Variants in HMGA2 observed in about 807,000 individuals in gnomAD.
HMGA2 encodes the protein high mobility group protein HMGI-C.
A neutral mutation model predicts 19.1 loss-of-function variants in HMGA2; 8 were observed. That is an observed-to-expected ratio of 0.42 (90% CI 0.25 to 0.76). The LOEUF (loss-of-function observed/expected upper bound fraction) is 0.76, where lower values mean the gene tolerates loss of function less well. Ranked by LOEUF, HMGA2 falls within the 30% of genes least tolerant of loss-of-function variation. The probability of loss-of-function intolerance (pLI) is 0.28; values close to 1 mark genes in which losing one functional copy is unlikely to be tolerated. For missense variants in HMGA2, 109 were observed against 136.3 expected (o/e 0.80, Z 1.00); for synonymous variants, 60 against 48.8 (o/e 1.23, Z -0.96).
At chr12:65,846,027 C>T (rs1333991007) in intron 3 of HMGA2, among the ~76,000 whole-genome samples, 1 of 152,190 alleles carries the variant, frequency 6.6e-6, no homozygotes, top group Non-Finnish European at 1.5e-5. Flanking sequence ...GGGGTCAGCT[C>T]TGGTAAAAGG....
intron 3 of HMGA2, among the ~76,000 whole-genome samples, chr12:65,901,168 C>T (rs918213639): frequency 1.3e-5 from 2 of 152,186 alleles, no homozygotes; most frequent in African/African-American, 4.8e-5. Flanking sequence ...CAGGACTTGA[C>T]AGGTTGTTTT....
chr12:65,937,941 C>A (rs1875951691), intron 3 of HMGA2, among the ~76,000 whole-genome samples: 3 of 152,160 alleles, frequency 2.0e-5, no homozygotes. Context: ...TCTATCCATT[C>A]CCCAATTTCC....
chr12:65,963,269 C>T lies in HMGA2; in HGVS notation c.307C>T (p.Gln103Ter). Residue 103 changes from glutamine (Q) to a stop codon, truncating the protein, a stop_gained, in exon 5 of 5, where the codon CAA (glutamine) becomes TAA (stop). Coordinates refer to ENST00000403681, the MANE Select transcript of HMGA2 (RefSeq NM_003483.6). LOFTEE classifies it high-confidence loss of function. The part of the protein sequence containing the change: ...AQEETEETSS[Q>*]ESAEED ...GGAGGAAACTGAAGAGACATCCTCA[C>T]AAGAGTCTGCCGAAGAGGACTAGGG... 1 of 1,613,760 alleles carries T rather than the reference C, an allele frequency of 6.2e-7. No homozygotes were observed. The highest frequency in any genetic ancestry group is 8.5e-7 in the Non-Finnish European group (1 of 1,179,846).
At chr12:65,899,401 C>T (rs1231830764) in intron 3 of HMGA2, among the ~76,000 whole-genome samples, 1 of 152,196 alleles carries the variant, frequency 6.6e-6, no homozygotes, top group African/African-American at 2.4e-5. Context: ...AGTATTCACT[C>T]CATTACTTCA....
intron 3 of HMGA2, among the ~76,000 whole-genome samples, chr12:65,850,916 A>G (rs552285363): frequency 1.3e-5 from 2 of 152,334 alleles, no homozygotes; most frequent in South Asian, 4.1e-4. Flanking sequence ...GAGGGTCTTC[A>G]TGTATTCAAC....
intron 3 of HMGA2, chr12:65,860,129 A>G (rs1170677221): frequency 2.5e-6 from 1 of 401,018 alleles, no homozygotes; most frequent in Non-Finnish European, 5.2e-6. Context: ...GAAAAAGGGC[A>G]TTTAAGACAT....
chr12:65,827,239 C>T (rs774117851), intron 1 of HMGA2, among the ~76,000 whole-genome samples: 2 of 152,148 alleles, frequency 1.3e-5, no homozygotes, highest in South Asian at 2.1e-4. Flanking sequence ...TTCTCCACTC[C>T]ACCCCCATAA....
At chr12:65,880,400 T>C (rs1465322009) in intron 3 of HMGA2, among the ~76,000 whole-genome samples, 5 of 152,248 alleles carry the variant, frequency 3.3e-5, no homozygotes, top group African/African-American at 9.6e-5. Context: ...AAACACGTGT[T>C]GCCCTTTGTA....
chr12:65,957,020 G>T (rs1876624959), intron 4 of HMGA2: 1 of 152,118 alleles, frequency 6.6e-6, no homozygotes, highest in South Asian at 2.1e-4. Context: ...ATGTTTGCTG[G>T]ACACTCAGAT....
chr12:65,964,640 G>A lies in HMGA2; in HGVS notation c.*1348G>A. The A allele has an allele frequency of 4.7e-6, 1 of 212,164 alleles. No homozygotes were observed. Among genetic ancestry groups the A allele is most frequent in the Non-Finnish European group, 9.5e-6 (1 of 104,742 alleles). 13.1% of individuals were successfully genotyped at this position (212,164 alleles called of 1,614,324 possible). The stretch of plus-strand genomic sequence containing the variant: ...CAAGAAAAAAACTTACTGGGTAGGT[G>A]ATTCTAATCATCTGCAGTTCTTTTT... On this transcript the variant is annotated 3_prime_UTR_variant, in exon 5 of 5. Transcript: ENST00000403681.
intron 3 of HMGA2, among the ~76,000 whole-genome samples, chr12:65,932,239 A>C (rs895898516): frequency 6.6e-6 from 1 of 152,226 alleles, no homozygotes; most frequent in African/African-American, 2.4e-5. Flanking sequence ...TATTGCCTTC[A>C]AATTTTAACT....
intron 3 of HMGA2, among the ~76,000 whole-genome samples, chr12:65,936,753 T>G (rs1565737488): frequency 1.3e-5 from 2 of 152,180 alleles, no homozygotes; most frequent in Admixed American, 1.3e-4. Context: ...TTCATCATAT[T>G]TAATCACCCC....
Position 65,881,626 on chromosome 12 carries a change from AGGAGGGAG to A in HMGA2, c.249+43074_249+43081del, listed in dbSNP as rs369335424. Reference sequence around the variant, plus strand: ...ATTGTCCTGGACCCAGAGGGAGCGAAGGAGGGAGGGAGGGAGGGAGGGAGAAAGAGAGA... The same window carrying A: ...ATTGTCCTGGACCCAGAGGGAGCGAAGGAGGGAGGGAGGGAGAAAGAGAGA... On this transcript the variant is annotated intron_variant, in intron 3 of 4. Transcript: ENST00000403681. 84 of 598,090 alleles carry A rather than the reference AGGAGGGAG, an allele frequency of 1.4e-4. No individual in the cohort carries two copies. The African/African-American group carries it at 1.5e-3, about 11-fold the overall frequency. 37.0% of individuals were successfully genotyped at this position (598,090 alleles called of 1,614,324 possible).
At chr12:65,936,643 C>T (rs962863269) in intron 3 of HMGA2, among the ~76,000 whole-genome samples, 6 of 152,128 alleles carry the variant, frequency 3.9e-5, no homozygotes, top group Admixed American at 6.5e-5. Context: ...ACTGCTGCTA[C>T]GGTGACTACT....
At chr12:65,840,609 C>T (rs1388815188) in intron 3 of HMGA2, among the ~76,000 whole-genome samples, 1 of 152,090 alleles carries the variant, frequency 6.6e-6, no homozygotes, top group African/African-American at 2.4e-5. Flanking sequence ...ACTGCTGCTT[C>T]CATTATACTC....
At chr12:65,888,551 GCT>G (rs781063808) in intron 3 of HMGA2, among the ~76,000 whole-genome samples, 1,233 of 112,030 alleles carry the variant, frequency 0.011, 80 homozygotes, top group Non-Finnish European at 0.018. Context: ...CCCGTGGTGT[GCT>G]CTTTTTTTTT....
chr12:65,878,894 T>C (rs892409159), intron 3 of HMGA2, among the ~76,000 whole-genome samples: 4 of 152,186 alleles, frequency 2.6e-5, no homozygotes, highest in African/African-American at 2.4e-5. Flanking sequence ...AGGCTAGAAA[T>C]GGGTTTCTCA....
At chr12:65,955,491 G>A (rs1876580810) in intron 4 of HMGA2, 1 of 152,144 alleles carries the variant, frequency 6.6e-6, no homozygotes, top group Admixed American at 6.5e-5. Context: ...TCTGAGACTT[G>A]AAGGGACTCC....
chr12:65,931,158 A>G (rs974335423), intron 3 of HMGA2, among the ~76,000 whole-genome samples: 16 of 152,180 alleles, frequency 1.1e-4, no homozygotes, highest in African/African-American at 3.9e-4. Flanking sequence ...TTTTTTGTTC[A>G]GCATCAAAGA....
Sources: allele counts gnomAD v4.1 joint callset (sites outside exome capture counted in the v4.1 genomes callset), GRCh38; gene constraint gnomAD v4.1.1; transcripts MANE v1.5; gene names NCBI Gene and HGNC (gene_info 2026-07-23, HGNC 2026-07-21).